The following CPEB2 variants were observed in gnomAD, a reference collection of about 807,000 sequenced individuals.
CPEB2 encodes the protein cytoplasmic polyadenylation element binding protein 2.
In CPEB2, 56 loss-of-function variants were observed where a neutral mutation model predicts 93.6. That is an observed-to-expected ratio of 0.60 (90% CI 0.48 to 0.75). The LOEUF (loss-of-function observed/expected upper bound fraction) is 0.75, where lower values mean the gene tolerates loss of function less well. Among genes scored for constraint, CPEB2 ranks in the 30% least tolerant of loss-of-function variants. CPEB2 has a pLI of 0.00. For missense variants in CPEB2, 1,579 were observed against 1,395.1 expected (o/e 1.13, Z -2.10); for synonymous variants, 764 against 586.3 (o/e 1.30, Z -4.38).
At chr4:15,061,524 A>G (rs1729188955) in intron 10 of CPEB2, among the ~76,000 whole-genome samples, 1 of 151,806 alleles carries the variant, frequency 6.6e-6, no homozygotes, top group South Asian at 2.1e-4. Flanking sequence ...ATGGTGTGAT[A>G]GTCTGGTTAG....
chr4:15,030,544 T>C (rs1027734462), intron 4 of CPEB2, among the ~76,000 whole-genome samples: 1 of 152,134 alleles, frequency 6.6e-6, no homozygotes, highest in African/African-American at 2.4e-5. Flanking sequence ...TTACTATCAA[T>C]TGGCAGGTTT....
At chr4:15,065,204 T>A (rs1275698041) in intron 11 of CPEB2, among the ~76,000 whole-genome samples, 1 of 152,104 alleles carries the variant, frequency 6.6e-6, no homozygotes, top group Admixed American at 6.6e-5. Flanking sequence ...TCTGCACTCA[T>A]GCAAGTATTT....
chr4:15,040,404 G>C (rs1727051777), intron 5 of CPEB2, 60 bp from the exon 6 acceptor site: 1 of 1,472,400 alleles, frequency 6.8e-7, no homozygotes, highest in Non-Finnish European at 9.2e-7. Context: ...AGAAATATTT[G>C]TATATGTGGG....
Position 15,066,448 on chromosome 4 carries a change from A to G in CPEB2, c.*68A>G. On this transcript the variant is annotated 3_prime_UTR_variant, in exon 12 of 12. Transcript: ENST00000538197. ...CATGTGGCTTACTGTGTCTGAAGAT[A>G]CTGACATGCAGAAGAAATAAGTGCA... The G allele has an allele frequency of 1.8e-6, 2 of 1,112,530 alleles. No homozygotes were observed. Among genetic ancestry groups the G allele is most frequent in the South Asian group, 2.7e-5 (2 of 74,394 alleles). The allele number at this position is 1,112,530 out of a possible 1,614,324, so 68.9% of individuals were successfully genotyped here.
chr4:15,028,330 A>ATT (rs34980018), intron 4 of CPEB2, among the ~76,000 whole-genome samples: 19 of 149,230 alleles, frequency 1.3e-4, no homozygotes, highest in South Asian at 4.2e-4. Context: ...TTGTTCTATG[A>ATT]TTTTTTTTTT....
chr4:15,023,327 A>C (rs1221749353), intron 4 of CPEB2, among the ~76,000 whole-genome samples: 2 of 152,004 alleles, frequency 1.3e-5, no homozygotes, highest in Non-Finnish European at 2.9e-5. Context: ...TATATCAAAG[A>C]ATTTCTTTTG....
At chr4:15,011,688 C>T (rs1486539578) in intron 3 of CPEB2, among the ~76,000 whole-genome samples, 1 of 152,058 alleles carries the variant, frequency 6.6e-6, no homozygotes, top group Non-Finnish European at 1.5e-5. Context: ...TATATTTATT[C>T]ATATGTTTTA....
chr4:15,060,710 A>G (rs1353054680), intron 10 of CPEB2, among the ~76,000 whole-genome samples: 2 of 152,094 alleles, frequency 1.3e-5, no homozygotes, highest in African/African-American at 4.8e-5. Context: ...AAACCATGGT[A>G]TATGGTATAT....
chr4:15,018,314 GT>G (rs1433112718), intron 4 of CPEB2, among the ~76,000 whole-genome samples: 1 of 151,628 alleles, frequency 6.6e-6, no homozygotes, highest in Non-Finnish European at 1.5e-5. Context: ...ATTTTTTTCT[GT>G]TTATGGATTT....
At chr4:15,036,477 A>G (rs1377521837) in intron 5 of CPEB2, among the ~76,000 whole-genome samples, 1 of 152,164 alleles carries the variant, frequency 6.6e-6, no homozygotes, top group Non-Finnish European at 1.5e-5. Context: ...GAAAGTATGT[A>G]TGTTTATATT....
intron 4 of CPEB2, among the ~76,000 whole-genome samples, chr4:15,029,184 T>A (rs1577406308): frequency 6.6e-6 from 1 of 152,292 alleles, no homozygotes. Flanking sequence ...GTATCATACT[T>A]GGTGCACATC....
At chr4:15,060,103 G>A (rs1158951960) in intron 10 of CPEB2, among the ~76,000 whole-genome samples, 2 of 152,126 alleles carry the variant, frequency 1.3e-5, no homozygotes, top group African/African-American at 2.4e-5. Flanking sequence ...GATCAGGGTG[G>A]TAGCAGGGTT....
At chr4:15,065,263 A>G (rs1729598623) in intron 11 of CPEB2, among the ~76,000 whole-genome samples, 1 of 152,058 alleles carries the variant, frequency 6.6e-6, no homozygotes, top group Admixed American at 6.6e-5. Context: ...ACTTTTTACT[A>G]TAGGCAACCT....
In CPEB2 at chr4:15,003,960, C is replaced by T. The variant is rs778026068; in HGVS notation, c.1287C>T (p.Gly429=). ...PPGSSATTPG[G]GSGGSLSAMP... is the part of the protein sequence containing the mutation. ...GCTCGTCTGCCACCACCCCGGGCGG[C>T]GGCAGCGGCGGCTCGCTCAGCGCCA... The change falls in exon 1 of 12, where the codon GGC becomes GGT. Residue 429 remains glycine, a synonymous_variant. Transcript: ENST00000538197. 3.0e-6 allele frequency: 4 copies of T among 1,325,702 alleles called. No individual in the cohort carries two copies. The highest frequency in any genetic ancestry group is 6.3e-5 in the East Asian group (2 of 31,910). 82.1% of individuals were successfully genotyped at this position (1,325,702 alleles called of 1,614,324 possible). A position where few individuals can be genotyped will look rare whatever the true frequency, so the allele number is the denominator to read the frequency against.
chr4:15,018,075 C>T (rs1015383316), intron 4 of CPEB2, among the ~76,000 whole-genome samples: 23 of 151,964 alleles, frequency 1.5e-4, no homozygotes, highest in African/African-American at 4.6e-4. Flanking sequence ...TTACCTTAAA[C>T]AGTTTCTGTG....
intron 8 of CPEB2, among the ~76,000 whole-genome samples, chr4:15,054,556 CTG>C (rs1399626272): frequency 6.6e-6 from 1 of 151,790 alleles, no homozygotes; most frequent in African/African-American, 2.4e-5. Flanking sequence ...TTATTACCAA[CTG>C]TTGATGAATA....
chr4:15,058,353 A>C (rs1470289798), intron 8 of CPEB2, 68 bp from the exon 9 acceptor site: 17 of 828,844 alleles, frequency 2.1e-5, no homozygotes, highest in Non-Finnish European at 3.4e-5. Flanking sequence ...TATTTTCTAA[A>C]TAGTACTGAA....
In CPEB2 at chr4:15,003,679, G is replaced by A; in HGVS notation, c.1006G>A (p.Ala336Thr). ...SNLLPGGALG[A>T]GAFSSLQSPD... ...CCTCCTGCCCGGAGGTGCGCTTGGC[G>A]CGGGCGCCTTCAGCAGCCTGCAGAG... Residue 336 changes from alanine to threonine, a missense_variant, in exon 1 of 12, where the codon GCG becomes ACG. Ala to Thr is a moderately conservative substitution (Grantham distance 58). Transcript: ENST00000538197. 2 of 1,462,592 alleles carry A rather than the reference G, an allele frequency of 1.4e-6. No homozygotes were observed. The highest frequency in any genetic ancestry group is 2.6e-5 in the South Asian group (2 of 77,250). 90.6% of individuals were successfully genotyped at this position (1,462,592 alleles called of 1,614,324 possible).
At chr4:15,017,127 T>C in intron 3 of CPEB2, 61 bp from the exon 4 acceptor site, 1 of 897,818 alleles carries the variant, frequency 1.1e-6, no homozygotes, top group African/African-American at 1.7e-5. Context: ...GATAGTGTTT[T>C]ATAATCGCTT....
Sources: gnomAD v4.1 joint callset for allele counts (sites outside exome capture counted in the v4.1 genomes callset) on GRCh38, gnomAD v4.1.1 for gene constraint, MANE v1.5 for transcripts, NCBI Gene and HGNC (gene_info 2026-07-23, HGNC 2026-07-21) for gene names.